The following NLGN1 variants were observed in gnomAD, a reference collection of about 807,000 sequenced individuals.
NLGN1 encodes the protein neuroligin 1.
In NLGN1, 12 loss-of-function variants were observed where a neutral mutation model predicts 65.5. The ratio of observed to expected loss-of-function variants is 0.18; its 90% CI spans 0.12 to 0.30. The LOEUF (loss-of-function observed/expected upper bound fraction) is 0.30. Ranked by LOEUF, NLGN1 falls within the 10% of genes least tolerant of loss-of-function variation. The pLI is 1.00. For missense variants in NLGN1, 750 were observed against 1,007.1 expected (o/e 0.74, Z 3.46); for synonymous variants, 350 against 359.5 (o/e 0.97, Z 0.30).
At chr3:173,537,512 G>A (rs1297173053) in intron 2 of NLGN1, among the ~76,000 whole-genome samples, 2 of 150,010 alleles carry the variant, frequency 1.3e-5, no homozygotes, top group Admixed American at 6.6e-5. Flanking sequence ...GTGTGTTTGT[G>A]TGTGTGTAAA....
At chr3:173,540,488 A>G (rs1318181305) in intron 2 of NLGN1, among the ~76,000 whole-genome samples, 1 of 152,174 alleles carries the variant, frequency 6.6e-6, no homozygotes, top group African/African-American at 2.4e-5. Flanking sequence ...GCAACAACTT[A>G]GCCTTCAGAA....
rs1330310154 is a variant in NLGN1 at position 173,445,285 on chromosome 3, A to AAC, written c.-321+10208_-321+10209insCA. On this transcript the variant is annotated intron_variant, in intron 2 of 6. Coordinates refer to ENST00000457714, the Ensembl canonical transcript of NLGN1. Reference sequence around the variant, plus strand: ...TCCGTCTCAAAAAAAAAAAAAAAAAAAAAAAAAAAACAAGGACTTGTGTGA... The same window carrying AAC: ...TCCGTCTCAAAAAAAAAAAAAAAAAAACAAAAAAAAAACAAGGACTTGTGTGA... 3.8e-4 allele frequency among the ~76,000 whole-genome samples: 56 copies of AAC among 147,422 alleles called. 3 individuals carry two copies. Among genetic ancestry groups the AAC allele is most frequent in the Admixed American group, 2.0e-4 (3 of 14,766 alleles).
At chr3:173,860,725 C>T (rs1013844217) in intron 4 of NLGN1, among the ~76,000 whole-genome samples, 1 of 152,150 alleles carries the variant, frequency 6.6e-6, no homozygotes, top group Non-Finnish European at 1.5e-5. Context: ...GAGAACTGCT[C>T]TCTAGAGAAT....
Position 173,570,237 on chromosome 3 carries a change from C to T in NLGN1, c.-320-34042C>T, listed in dbSNP as rs139836656. 9.7e-3 allele frequency among the ~76,000 whole-genome samples: 1,478 copies of T among 152,212 alleles called. 28 individuals carry two copies. Among genetic ancestry groups the T allele is most frequent in the African/African-American group, 0.034 (1,417 of 41,514 alleles). ...GAAAGGTGGATTGATTAGGAAAGGGCATCCAAAAGGAAAGCCTTTCAAACA... is the reference window on the plus strand; with the variant it reads ...GAAAGGTGGATTGATTAGGAAAGGGTATCCAAAAGGAAAGCCTTTCAAACA... On this transcript the variant is annotated intron_variant, in intron 2 of 6. Transcript: ENST00000457714.
At chr3:173,967,991 C>G (rs143809785) in intron 4 of NLGN1, among the ~76,000 whole-genome samples, 9 of 152,240 alleles carry the variant, frequency 5.9e-5, no homozygotes, top group Non-Finnish European at 1.0e-4. Flanking sequence ...TGGTAGCTGA[C>G]GCGTGTTCCA....
chr3:173,620,473 G>T (rs1753816890), intron 3 of NLGN1, among the ~76,000 whole-genome samples: 2 of 152,032 alleles, frequency 1.3e-5, no homozygotes, highest in African/African-American at 4.8e-5. Context: ...ACTCAAGAAG[G>T]CAGGATAGGG....
chr3:173,600,160 T>C (rs955828621), intron 2 of NLGN1, among the ~76,000 whole-genome samples: 1 of 147,222 alleles, frequency 6.8e-6, no homozygotes, highest in African/African-American at 2.6e-5. Flanking sequence ...TGTATATCTA[T>C]GTATGTGGGT....
Position 174,280,305 on chromosome 3 carries a change from C to T in NLGN1, c.1650-176C>T, listed in dbSNP as rs575286982. Among the ~76,000 whole-genome samples the T allele has an allele frequency of 1.3e-5, 2 of 151,950 alleles. No individual in the cohort carries two copies. Among genetic ancestry groups the T allele is most frequent in the South Asian group, 2.1e-4 (1 of 4,816 alleles). ...AGACTTACTTGCCTTCCATTATCAC[C>T]CATCTAACAATATGCCTGCTAGGAG... On this transcript the variant is annotated intron_variant, in intron 6 of 6. Transcript: ENST00000457714. This position sits in a 1 kb window ranked among gnomAD's most constrained non-coding sequence, Gnocchi z 4.9.
chr3:173,603,708 G>A (rs116331448), intron 2 of NLGN1, among the ~76,000 whole-genome samples: 2,526 of 152,098 alleles, frequency 0.017, 65 homozygotes, highest in African/African-American at 0.056. Context: ...GATACAGCAA[G>A]GAAGTGAGGT....
At chr3:174,234,198 A>C (rs1741234826) in intron 4 of NLGN1, among the ~76,000 whole-genome samples, 1 of 152,046 alleles carries the variant, frequency 6.6e-6, no homozygotes, top group Non-Finnish European at 1.5e-5. Flanking sequence ...AAAGTTTTGG[A>C]GGAGGATCAA....
At chr3:174,168,515 T>C (rs972553021) in intron 4 of NLGN1, among the ~76,000 whole-genome samples, 3 of 152,200 alleles carry the variant, frequency 2.0e-5, no homozygotes, top group Non-Finnish European at 4.4e-5. Flanking sequence ...TCTATGCACA[T>C]CTTTCAGCAG....
intron 4 of NLGN1, among the ~76,000 whole-genome samples, chr3:174,261,124 C>G (rs1746810423): frequency 6.6e-6 from 1 of 152,152 alleles, no homozygotes; most frequent in Non-Finnish European, 1.5e-5. Context: ...AGTGTGATGC[C>G]TCCAGCTTTG....
At chr3:173,470,718 C>T (rs1725177557) in intron 2 of NLGN1, among the ~76,000 whole-genome samples, 1 of 152,116 alleles carries the variant, frequency 6.6e-6, no homozygotes, top group African/African-American at 2.4e-5. Context: ...ATGTGAACTA[C>T]AGTTTTAGCA....
exon 7 of NLGN1, chr3:174,281,927 A>G (rs1751585865): frequency 6.6e-6 from 1 of 152,320 alleles, no homozygotes; most frequent in African/African-American, 2.4e-5. Flanking sequence ...TGTGCATGAT[A>G]ATTTATATGC....
At chr3:174,143,948 G>A (rs1289731446) in intron 4 of NLGN1, among the ~76,000 whole-genome samples, 12 of 151,652 alleles carry the variant, frequency 7.9e-5, no homozygotes, top group Non-Finnish European at 1.5e-5. Context: ...TTAAGCTCTG[G>A]GATACATGTA....
chr3:173,866,758 A>G (rs1352512137), intron 4 of NLGN1, among the ~76,000 whole-genome samples: 1 of 152,096 alleles, frequency 6.6e-6, no homozygotes, highest in Non-Finnish European at 1.5e-5. Flanking sequence ...ATGTTTTCTG[A>G]TTTATATATT....
chr3:173,982,553 G>A (rs1718994556), intron 4 of NLGN1, among the ~76,000 whole-genome samples: 1 of 152,080 alleles, frequency 6.6e-6, no homozygotes, highest in African/African-American at 2.4e-5. Flanking sequence ...TAGAATAAGG[G>A]CAGTTAACTC....
At chr3:174,274,919 C>T (rs556351181) in intron 4 of NLGN1, among the ~76,000 whole-genome samples, 5 of 151,926 alleles carry the variant, frequency 3.3e-5, no homozygotes, top group East Asian at 1.9e-4. Flanking sequence ...CCACATTTGA[C>T]GACAAGCAAC....
chr3:173,842,216 TAATTC>T (rs1724914842), intron 4 of NLGN1, among the ~76,000 whole-genome samples: 1 of 152,188 alleles, frequency 6.6e-6, no homozygotes, highest in Non-Finnish European at 1.5e-5. Flanking sequence ...CGAGCCCACA[TAATTC>T]AATCACCTCC....
Sources: gnomAD v4.1 joint callset for allele counts (sites outside exome capture counted in the v4.1 genomes callset) on GRCh38, gnomAD v4.1.1 for gene constraint, Gnocchi (gnomAD v3.1) non-coding constraint, MANE v1.5 for transcripts, NCBI Gene and HGNC (gene_info 2026-07-23, HGNC 2026-07-21) for gene names.